MAPKAPK5: variants seen among roughly 807,000 people sequenced by gnomAD.
MAPKAPK5 encodes MAPK activated protein kinase 5.
A neutral mutation model predicts 65.1 loss-of-function variants in MAPKAPK5; 30 were observed. The observed-to-expected ratio is 0.46, with a 90% CI of 0.34 to 0.63. The LOEUF (loss-of-function observed/expected upper bound fraction) is 0.63, where lower values mean the gene tolerates loss of function less well. Among genes scored for constraint, MAPKAPK5 ranks in the 20% least tolerant of loss-of-function variants. The pLI is 0.01. For missense variants in MAPKAPK5, 433 were observed against 581.4 expected (o/e 0.74, Z 2.63); for synonymous variants, 179 against 204.6 (o/e 0.87, Z 1.07).
chr12:111,859,895 C>T (rs780480410), intron 1 of MAPKAPK5, among the ~76,000 whole-genome samples: 5 of 151,856 alleles, frequency 3.3e-5, no homozygotes, highest in Admixed American at 6.6e-5. Context: ...GTGATCCACC[C>T]GCCTCAGCCT....
At chr12:111,884,091 T>C (rs1227567442) in intron 9 of MAPKAPK5, among the ~76,000 whole-genome samples, 2 of 152,196 alleles carry the variant, frequency 1.3e-5, no homozygotes, top group African/African-American at 4.8e-5. Flanking sequence ...TGAGCTGGCA[T>C]GTCATTTGGG....
At chr12:111,866,308 T>C in intron 3 of MAPKAPK5, 77 bp downstream of exon 3, 1 of 1,304,654 alleles carries the variant, frequency 7.7e-7, no homozygotes, top group Non-Finnish European at 1.1e-6. Context: ...GGCAGCTTCC[T>C]AGAGAGAATA....
chr12:111,878,412 T>A (rs1048725372), intron 7 of MAPKAPK5, among the ~76,000 whole-genome samples: 16 of 136,658 alleles, frequency 1.2e-4, no homozygotes, highest in Non-Finnish European at 1.5e-4. Flanking sequence ...TTATTTATTA[T>A]TTATTTATTT....
At chr12:111,845,319 A>G (rs1744774137) in intron 1 of MAPKAPK5, among the ~76,000 whole-genome samples, 1 of 151,556 alleles carries the variant, frequency 6.6e-6, no homozygotes, top group Admixed American at 6.6e-5. Context: ...TTTTGTTGTT[A>G]TTGTTGTTAT....
Position 111,886,031 on chromosome 12 carries a change from G to A in MAPKAPK5, c.964G>A (p.Asp322Asn), listed in dbSNP as rs2070391468. Residue 322 changes from aspartate to asparagine, a missense_variant, in exon 10 of 14, where the codon GAC (aspartate) becomes AAC (asparagine). By Grantham distance (23) the Asp-to-Asn change is conservative (BLOSUM62 1). Coordinates refer to ENST00000550735, the MANE Select transcript of MAPKAPK5 (RefSeq NM_003668.4). ...NVLPSAQLMM[D>N]KAVVAGIQQA... ...GCTGCCTTCTGCTCAGCTGATGATG[G>A]ACAAGGTTTTGAATGATGTTTACTT... 6.2e-7 allele frequency: 1 copy of A among 1,613,930 alleles called. No homozygotes were observed. The highest frequency in any genetic ancestry group is 8.5e-7 in the Non-Finnish European group (1 of 1,179,860).
intron 1 of MAPKAPK5, among the ~76,000 whole-genome samples, chr12:111,862,780 A>G (rs1215623612): frequency 6.6e-6 from 1 of 152,218 alleles, no homozygotes. Context: ...TCTGATTATA[A>G]TGAATAGTTC....
rs1218333508 is a variant in MAPKAPK5, at chr12:111,895,232, G to A, written c.*2171G>A. On this transcript the variant is annotated 3_prime_UTR_variant, in exon 14 of 14. Transcript: ENST00000550735. ...CTACCTCAGCCTCCTGAGTAGCTGG[G>A]ACTATACAGGTGCCCGCCACCGCGC... 6.6e-6 allele frequency: 1 copy of A among 151,028 alleles called. No homozygotes were observed. The highest frequency in any genetic ancestry group is 6.6e-5 in the Admixed American group (1 of 15,142). The allele number at this position is 151,028 out of a possible 1,614,324, so 9.4% of individuals were successfully genotyped here. A position where few individuals can be genotyped will look rare whatever the true frequency, so the allele number is the denominator to read the frequency against.
chr12:111,866,643 C>G (rs1470944882), intron 3 of MAPKAPK5, among the ~76,000 whole-genome samples: 2 of 152,262 alleles, frequency 1.3e-5, no homozygotes, highest in African/African-American at 4.8e-5. Flanking sequence ...GAGTTTCACT[C>G]TTGTTGCCCA....
chr12:111,854,745 G>A (rs552662584), intron 1 of MAPKAPK5, among the ~76,000 whole-genome samples: 17 of 152,290 alleles, frequency 1.1e-4, no homozygotes, highest in Admixed American at 9.2e-4. Flanking sequence ...AGTTGGTAGC[G>A]GGTGCTTCTG....
intron 1 of MAPKAPK5, among the ~76,000 whole-genome samples, chr12:111,846,504 T>G (rs1341143487): frequency 6.6e-6 from 1 of 151,566 alleles, no homozygotes; most frequent in Non-Finnish European, 1.5e-5. Context: ...CTTTTTCTTT[T>G]TTTTTTTTTT....
chr12:111,873,303 T>C (rs2069844397), intron 7 of MAPKAPK5, among the ~76,000 whole-genome samples: 1 of 152,166 alleles, frequency 6.6e-6, no homozygotes, highest in Non-Finnish European at 1.5e-5. Context: ...AAAGGATTTG[T>C]AAAAGGATTG....
At chr12:111,873,254 C>G (rs1256697564) in intron 7 of MAPKAPK5, among the ~76,000 whole-genome samples, 2 of 152,102 alleles carry the variant, frequency 1.3e-5, no homozygotes, top group Non-Finnish European at 2.9e-5. Flanking sequence ...GTTGTTGCAG[C>G]ATCATTGGTA....
rs10557147 is a variant in MAPKAPK5 at position 111,901,290 on chromosome 12, AAT to A, written c.*8230_*8231del. The A allele has an allele frequency of 6.9e-3, 3,165 of 455,986 alleles. 71 individuals carry two copies. The highest frequency in any genetic ancestry group is 0.057 in the African/African-American group (2,859 of 50,146). The allele number at this position is 455,986 out of a possible 1,614,324, so 28.2% of individuals were successfully genotyped here. A position where few individuals can be genotyped will look rare whatever the true frequency, so the allele number is the denominator to read the frequency against. On this transcript the variant is annotated 3_prime_UTR_variant, in exon 14 of 14. Coordinates refer to ENST00000550735, the MANE Select transcript of MAPKAPK5 (RefSeq NM_003668.4). The stretch of plus-strand genomic sequence containing the variant: ...AACGTGTAATGGGAAGGGAGTTTGT[AAT>A]GATTTAGGGCACTGCCACTGTAATG...
chr12:111,875,928 G>A (rs929481667), intron 7 of MAPKAPK5, among the ~76,000 whole-genome samples: 3 of 152,028 alleles, frequency 2.0e-5, no homozygotes, highest in East Asian at 1.9e-4. Flanking sequence ...GTGATGGGCC[G>A]GGCGCAGTGG....
At chr12:111,873,329 G>GTTTT (rs1262776479) in intron 7 of MAPKAPK5, among the ~76,000 whole-genome samples, 3 of 151,906 alleles carry the variant, frequency 2.0e-5, no homozygotes, top group African/African-American at 7.3e-5. Flanking sequence ...TTGAATTGCA[G>GTTTT]TTTTTTGTTT....
chr12:111,849,240 C>CT lies in MAPKAPK5; in HGVS notation c.36+6481dup, dbSNP rs796383058. Among the ~76,000 whole-genome samples the CT allele has an allele frequency of 1.0e-3, 152 of 146,114 alleles. 3 individuals carry two copies. The highest frequency in any genetic ancestry group is 2.4e-3 in the South Asian group (11 of 4,600). Reference sequence around the variant, plus strand: ...GGATTACTGCACCTGGCCAAGAGTTCTTTTTTTTTTCTTTCTTTTTTTTTT... The same window carrying CT: ...GGATTACTGCACCTGGCCAAGAGTTCTTTTTTTTTTTCTTTCTTTTTTTTTT... On this transcript the variant is annotated intron_variant, in intron 1 of 13. Coordinates refer to ENST00000550735, the MANE Select transcript of MAPKAPK5 (RefSeq NM_003668.4).
At chr12:111,892,839 T>TGG in intron 13 of MAPKAPK5, 128 bp from the exon 14 acceptor site, 1 of 557,534 alleles carries the variant, frequency 1.8e-6, no homozygotes. Flanking sequence ...TGATCAGTGG[T>TGG]GGGGGTGGTT....
chr12:111,856,229 G>A (rs1593131570), intron 1 of MAPKAPK5, among the ~76,000 whole-genome samples: 1 of 151,854 alleles, frequency 6.6e-6, no homozygotes, highest in Admixed American at 6.6e-5. Context: ...ATTCCATGGT[G>A]GTTGGAGAAC....
In MAPKAPK5 at chr12:111,888,488, G is replaced by C; in HGVS notation, c.970G>C (p.Ala324Pro). The change falls in exon 11 of 14, where the codon GCA becomes CCA. Residue 324 changes from alanine to proline, a missense_variant and splice_region_variant. This residue lies in a region of MAPKAPK5 where 169 missense variants were observed against 215.6 expected (regional missense o/e 0.78). Coordinates refer to ENST00000550735, the MANE Select transcript of MAPKAPK5 (RefSeq NM_003668.4). Reference sequence around the variant, plus strand: ...AACTGACGGCAGTGTTTGCATTCAGGCAGTGGTTGCAGGAATCCAGCAGGC... The same window carrying C: ...AACTGACGGCAGTGTTTGCATTCAGCCAGTGGTTGCAGGAATCCAGCAGGC... ...LPSAQLMMDK[A>P]VVAGIQQAHA... is the part of the protein sequence containing the mutation. The C allele has an allele frequency of 2.5e-6, 4 of 1,613,324 alleles. No homozygotes were observed. Among genetic ancestry groups the C allele is most frequent in the Non-Finnish European group, 3.4e-6 (4 of 1,179,694 alleles).
Sources: gnomAD v4.1 joint callset for allele counts (sites outside exome capture counted in the v4.1 genomes callset) on GRCh38, gnomAD v4.1.1 for gene constraint, gnomAD v4.1.1 regional missense constraint, MANE v1.5 for transcripts, NCBI Gene and HGNC (gene_info 2026-07-23, HGNC 2026-07-21) for gene names.